SBNO1: variants seen among roughly 807,000 people sequenced by gnomAD.
SBNO1 encodes the protein strawberry notch homolog 1.
SBNO1 carries 23 observed loss-of-function variants against 173.6 expected under a neutral mutation model. The observed-to-expected ratio is 0.13, with a 90% confidence interval of 0.10 to 0.19. SBNO1 has a LOEUF of 0.19. SBNO1 is among the 10% of genes least tolerant of loss of function. The probability of loss-of-function intolerance (pLI) is 1.00; values close to 1 mark genes in which losing one functional copy is unlikely to be tolerated. For missense variants in SBNO1, 1,238 were observed against 1,671.2 expected (o/e 0.74, Z 4.52); for synonymous variants, 632 against 571.5 (o/e 1.11, Z -1.51).
chr12:123,362,212 G>A (rs957899529), intron 1 of SBNO1, among the ~76,000 whole-genome samples: 7 of 151,706 alleles, frequency 4.6e-5, no homozygotes, highest in Admixed American at 1.3e-4. Flanking sequence ...CGAGGCAAGC[G>A]GATCACGAGG....
chr12:123,302,962 T>C (rs956813929), intron 29 of SBNO1, 62 bp from the exon 30 acceptor site: 40 of 1,252,504 alleles, frequency 3.2e-5, no homozygotes, highest in Non-Finnish European at 4.7e-5. Flanking sequence ...GGTTACCTAG[T>C]CTGGTCTGTA....
At chr12:123,324,029 T>C (rs1870309057) in intron 15 of SBNO1, among the ~76,000 whole-genome samples, 198 bp from the exon 16 acceptor site, 1 of 152,204 alleles carries the variant, frequency 6.6e-6, no homozygotes, top group South Asian at 2.1e-4. Flanking sequence ...ACACAATTAT[T>C]GTATTTTCTG....
chr12:123,325,956 T>A (rs1870565162), intron 14 of SBNO1, among the ~76,000 whole-genome samples, 196 bp downstream of exon 14: 1 of 152,226 alleles, frequency 6.6e-6, no homozygotes, highest in Admixed American at 6.5e-5. Context: ...ATTATAGTGA[T>A]GTTTACTTTG....
rs11288218 is a variant in SBNO1 at position 123,291,679 on chromosome 12, T to TAAAAAA, written c.*4223_*4228dup. On this transcript the variant is annotated 3_prime_UTR_variant, in exon 32 of 32. Coordinates refer to ENST00000602398, the MANE Select transcript of SBNO1 (RefSeq NM_001167856.3). ...AATGAAAAGTTTTCCATACTTTTCTTAAAAAAAAAAAAAAAAAAAAGTCAT... is the reference window on the plus strand; with the variant it reads ...AATGAAAAGTTTTCCATACTTTTCTTAAAAAAAAAAAAAAAAAAAAAAAAAAGTCAT... 2.5e-5 allele frequency: 3 copies of TAAAAAA among 118,618 alleles called. No individual in the cohort carries two copies. Among genetic ancestry groups the TAAAAAA allele is most frequent in the African/African-American group, 9.6e-5 (3 of 31,136 alleles). The allele number at this position is 118,618 out of a possible 1,614,324, so 7.3% of individuals were successfully genotyped here.
intron 9 of SBNO1, 68 bp from the exon 10 acceptor site, chr12:123,328,963 A>G: frequency 1.1e-6 from 1 of 910,044 alleles, no homozygotes; most frequent in Non-Finnish European, 1.6e-6. Flanking sequence ...CATCCCAACT[A>G]AACATTCACA....
intron 30 of SBNO1, among the ~76,000 whole-genome samples, chr12:123,299,629 C>CAAG: frequency 7.6e-6 from 1 of 131,784 alleles, no homozygotes; most frequent in Admixed American, 9.8e-5. Context: ...TGCAGTGAGC[C>CAAG]AAGATCAGGC....
chr12:123,342,391 C>T (rs1872671882), intron 4 of SBNO1, among the ~76,000 whole-genome samples: 1 of 152,006 alleles, frequency 6.6e-6, no homozygotes. Flanking sequence ...GCAGAGCCTG[C>T]AATGAGCCGA....
chr12:123,333,957 G>A, intron 7 of SBNO1, 96 bp downstream of exon 7: 2 of 741,996 alleles, frequency 2.7e-6, no homozygotes, highest in Non-Finnish European at 4.0e-6. Context: ...CATTTACAAG[G>A]TTTTCATACA....
chr12:123,357,597 T>G (rs1874609709), intron 1 of SBNO1, among the ~76,000 whole-genome samples: 1 of 115,824 alleles, frequency 8.6e-6, no homozygotes, highest in African/African-American at 3.5e-5. Context: ...AAAAATTAGC[T>G]GGGCATGGTG....
Position 123,295,528 on chromosome 12 carries a change from C to A in SBNO1, c.*380G>T. On this transcript the variant is annotated 3_prime_UTR_variant, in exon 32 of 32. Coordinates refer to ENST00000602398, the MANE Select transcript of SBNO1 (RefSeq NM_001167856.3). ...CAATGGCATGGATGTACTGCGTTAA[C>A]CCTGAGCACTGTATAAACATAAAGT... 5.7e-6 allele frequency: 1 copy of A among 176,762 alleles called. No individual in the cohort carries two copies. 10.9% of individuals were successfully genotyped at this position (176,762 alleles called of 1,614,324 possible).
At chr12:123,332,772 G>A (rs527931881) in intron 7 of SBNO1, among the ~76,000 whole-genome samples, 72 of 152,192 alleles carry the variant, frequency 4.7e-4, no homozygotes, top group Middle Eastern at 3.4e-3. Flanking sequence ...TCACCACGTT[G>A]GCCAGGCTGG....
chr12:123,332,589 CAG>C (rs1369887715), intron 7 of SBNO1, among the ~76,000 whole-genome samples: 2 of 151,374 alleles, frequency 1.3e-5, no homozygotes, highest in East Asian at 2.0e-4. Context: ...TTTTTTCAGA[CAG>C]AGTCTCACTC....
intron 1 of SBNO1, among the ~76,000 whole-genome samples, chr12:123,361,975 C>T (rs1875279514): frequency 6.8e-6 from 1 of 147,474 alleles, no homozygotes; most frequent in African/African-American, 2.5e-5. Flanking sequence ...CCCGTGTCTA[C>T]TAAAAATACG....
rs141877506 is a variant in SBNO1 at position 123,320,396 on chromosome 12, G to A, written c.2667+36C>T. 2.7e-4 allele frequency: 429 copies of A among 1,569,200 alleles called. 2 individuals carry two copies. In the Middle Eastern group the frequency reaches 3.6e-3, roughly 13 times the overall value. The stretch of plus-strand genomic sequence containing the variant: ...CAACTCATTTTACAGGGGTTCAAAT[G>A]GCAAAAATGTCACCAAGAGATACAG... On this transcript the variant is annotated intron_variant, in intron 19 of 31. Transcript: ENST00000602398.
intron 7 of SBNO1, among the ~76,000 whole-genome samples, 155 bp from the exon 8 acceptor site, chr12:123,331,530 AT>A (rs376073677): frequency 4.6e-5 from 7 of 151,320 alleles, no homozygotes; most frequent in Admixed American, 4.6e-4. Flanking sequence ...AGAGTTTTGG[AT>A]TTTTTTTTGA....
chr12:123,326,243 G>C lies in SBNO1; in HGVS notation c.1784C>G (p.Ser595Cys). 6.2e-7 allele frequency: 1 copy of C among 1,612,954 alleles called. No homozygotes were observed. The highest frequency in any genetic ancestry group is 8.5e-7 in the Non-Finnish European group (1 of 1,179,066). ...GTATTTGAAGAACCTCTGGTGAGCAGACCAGAACTGACCCCACATGGACTT... is the reference window on the plus strand; with the variant it reads ...GTATTTGAAGAACCTCTGGTGAGCACACCAGAACTGACCCCACATGGACTT... ...MKKSMWGQFW[S>C]AHQRFFKYLC... The change falls in exon 14 of 32, where the codon TCT becomes TGT. Residue 595 changes from serine (S) to cysteine (C), a missense_variant. This residue lies in a region of SBNO1 where 182 missense variants were observed against 339.9 expected (regional missense o/e 0.54). Transcript: ENST00000602398.
At chr12:123,330,599 TAAAAA>T (rs62719360) in intron 8 of SBNO1, 90 bp from the exon 9 acceptor site, 225 of 505,202 alleles carry the variant, frequency 4.5e-4, no homozygotes, top group Middle Eastern at 1.5e-3. Flanking sequence ...TCTTGACACT[TAAAAA>T]AAAAAAAAAA....
At chr12:123,347,284 C>T (rs920080064) in intron 3 of SBNO1, among the ~76,000 whole-genome samples, 50 of 147,358 alleles carry the variant, frequency 3.4e-4, no homozygotes, top group African/African-American at 1.2e-3. Context: ...TGGAGTGCAG[C>T]GGTCCCATCT....
At chr12:123,313,248 A>T (rs886440793) in intron 24 of SBNO1, among the ~76,000 whole-genome samples, 3 of 143,692 alleles carry the variant, frequency 2.1e-5, no homozygotes, top group Non-Finnish European at 4.5e-5. Flanking sequence ...AAATAAATAA[A>T]TAAATAATTT....
Sources: gnomAD v4.1 joint callset for allele counts (sites outside exome capture counted in the v4.1 genomes callset) on GRCh38, gnomAD v4.1.1 for gene constraint, gnomAD v4.1.1 regional missense constraint, MANE v1.5 for transcripts, NCBI Gene and HGNC (gene_info 2026-07-23, HGNC 2026-07-21) for gene names.